SLC24A2: variants seen among roughly 807,000 people sequenced by gnomAD.
SLC24A2 encodes sodium/potassium/calcium exchanger 2.
In SLC24A2, 36 loss-of-function variants were observed where a neutral mutation model predicts 62.0. That is an observed-to-expected ratio of 0.58 (90% CI 0.44 to 0.77). The LOEUF is 0.77. Ranked by LOEUF, SLC24A2 falls within the 30% of genes least tolerant of loss-of-function variation. SLC24A2 has a pLI of 0.00. For synonymous variants in SLC24A2, 358 were observed against 294.0 expected, an observed-to-expected ratio of 1.22 and a Z score of -2.23; for missense variants, 846 against 817.9, an observed-to-expected ratio of 1.03 and a Z score of -0.42.
intron 7 of SLC24A2, among the ~76,000 whole-genome samples, chr9:19,556,197 C>G (rs1251257297): frequency 2.0e-5 from 3 of 152,172 alleles, no homozygotes; most frequent in African/African-American, 4.8e-5. Flanking sequence ...ATGCTCATAG[C>G]ATCATGATAA....
the SLC24A2 span, among the ~76,000 whole-genome samples, chr9:19,894,786 T>A: frequency 1.3e-5 from 2 of 152,358 alleles, no homozygotes; most frequent in South Asian, 4.1e-4. Context: ...TTATTTTTGA[T>A]ACCACAATCA....
At chr9:19,783,234 C>T (rs1227243364) in intron 2 of SLC24A2, among the ~76,000 whole-genome samples, 1 of 152,152 alleles carries the variant, frequency 6.6e-6, no homozygotes, top group African/African-American at 2.4e-5. Context: ...TTGCAAGAAC[C>T]ATTTGATGAT....
At chr9:19,545,786 C>G (rs1370199726) in intron 8 of SLC24A2, among the ~76,000 whole-genome samples, 1 of 151,950 alleles carries the variant, frequency 6.6e-6, no homozygotes, top group Non-Finnish European at 1.5e-5. Context: ...CTACAGGCAC[C>G]CACCACCACG....
chr9:19,766,453 T>C (rs1204619894), intron 2 of SLC24A2, among the ~76,000 whole-genome samples: 1 of 152,248 alleles, frequency 6.6e-6, no homozygotes, highest in East Asian at 1.9e-4. Flanking sequence ...CTTTGGTCTT[T>C]GCTGTTGGTG....
the SLC24A2 span, among the ~76,000 whole-genome samples, chr9:20,296,710 G>A: frequency 1.3e-5 from 2 of 152,210 alleles, no homozygotes; most frequent in Non-Finnish European, 2.9e-5. Context: ...GATTGAGGTT[G>A]CCCATCATGG....
the SLC24A2 span, among the ~76,000 whole-genome samples, chr9:20,006,173 T>C: frequency 1.3e-5 from 2 of 151,612 alleles, no homozygotes; most frequent in African/African-American, 4.8e-5. Flanking sequence ...CATATTTATA[T>C]ATTAATATGT....
chr9:19,719,170 C>A (rs1322560716), intron 2 of SLC24A2, among the ~76,000 whole-genome samples: 1 of 152,142 alleles, frequency 6.6e-6, no homozygotes, highest in Non-Finnish European at 1.5e-5. Flanking sequence ...AGCTTGCTAG[C>A]CTGGTGCTCA....
At chr9:20,305,797 A>C in the SLC24A2 span, among the ~76,000 whole-genome samples, 1 of 152,198 alleles carries the variant, frequency 6.6e-6, no homozygotes, top group African/African-American at 2.4e-5. Flanking sequence ...TTGCCTTAAC[A>C]AAGTACCATA....
chr9:20,246,019 A>G, the SLC24A2 span, among the ~76,000 whole-genome samples: 3 of 152,188 alleles, frequency 2.0e-5, no homozygotes, highest in Non-Finnish European at 4.4e-5. Flanking sequence ...CCAAAACTCT[A>G]TGTATACTGT....
the SLC24A2 span, among the ~76,000 whole-genome samples, chr9:19,916,937 T>C: frequency 2.4e-4 from 36 of 149,540 alleles, no homozygotes; most frequent in African/African-American, 8.8e-4. Flanking sequence ...TAATGAGTTA[T>C]ATGAATTCCA....
chr9:20,169,851 A>G, the SLC24A2 span, among the ~76,000 whole-genome samples: 1 of 152,044 alleles, frequency 6.6e-6, no homozygotes, highest in Non-Finnish European at 1.5e-5. Context: ...TTTACCTGAA[A>G]AAAGAATTCA....
the SLC24A2 span, among the ~76,000 whole-genome samples, chr9:20,128,239 C>G: frequency 2.0e-5 from 3 of 151,996 alleles, no homozygotes; most frequent in Non-Finnish European, 4.4e-5. Flanking sequence ...TCTTCTCTGT[C>G]CATCATTTAA....
the SLC24A2 span, among the ~76,000 whole-genome samples, chr9:20,202,125 A>C: frequency 6.6e-6 from 1 of 151,364 alleles, no homozygotes; most frequent in Non-Finnish European, 1.5e-5. Context: ...AGCATGGAAC[A>C]CTCAGATGCC....
chr9:20,247,749 A>C, the SLC24A2 span, among the ~76,000 whole-genome samples: 210 of 152,324 alleles, frequency 1.4e-3, 3 homozygotes, highest in East Asian at 0.033. Flanking sequence ...CCAGAGTTGG[A>C]GCCTTTTCAG....
chr9:19,730,918 TG>T (rs1821315968), intron 2 of SLC24A2, among the ~76,000 whole-genome samples: 2 of 151,774 alleles, frequency 1.3e-5, no homozygotes, highest in Non-Finnish European at 2.9e-5. Flanking sequence ...TTTTTGACAA[TG>T]GAAAAAAAGA....
the SLC24A2 span, among the ~76,000 whole-genome samples, chr9:20,215,319 A>G: frequency 1.2e-4 from 18 of 152,358 alleles, no homozygotes; most frequent in Non-Finnish European, 2.6e-4. Context: ...ATTTCAACGT[A>G]TGAATTTTGT....
intron 2 of SLC24A2, among the ~76,000 whole-genome samples, chr9:19,676,778 G>C (rs1362444182): frequency 6.6e-6 from 1 of 152,046 alleles, no homozygotes. Context: ...GGATAGATTT[G>C]GCTTTGGAAA....
chr9:19,683,258 T>A (rs758929574), intron 2 of SLC24A2, among the ~76,000 whole-genome samples: 5 of 152,168 alleles, frequency 3.3e-5, no homozygotes, highest in Non-Finnish European at 5.9e-5. Context: ...GACAGAAGGA[T>A]GAACCTGAAC....
chr9:20,226,058 A>C, the SLC24A2 span, among the ~76,000 whole-genome samples: 3 of 152,256 alleles, frequency 2.0e-5, no homozygotes, highest in East Asian at 3.9e-4. Context: ...TGCTCCTTTC[A>C]GTTCCTAAGG....
Sources: gnomAD v4.1 joint callset for allele counts (sites outside exome capture counted in the v4.1 genomes callset) on GRCh38, gnomAD v4.1.1 for gene constraint, MANE v1.5 for transcripts, NCBI Gene and HGNC (gene_info 2026-07-23, HGNC 2026-07-21) for gene names.